Variants in PPTC7 observed in about 807,000 individuals in gnomAD.
PPTC7 encodes protein phosphatase PTC7 homolog.
A neutral mutation model predicts 30.8 loss-of-function variants in PPTC7; 6 were observed. That is an observed-to-expected ratio of 0.19 (90% CI 0.11 to 0.38). The LOEUF is 0.38. Ranked by LOEUF, PPTC7 falls within the 10% of genes least tolerant of loss-of-function variation. The pLI is 1.00. For missense variants in PPTC7, 218 were observed against 404.8 expected (o/e 0.54, Z 3.96); for synonymous variants, 163 against 168.1 (o/e 0.97, Z 0.23).
At chr12:110,574,778 T>C (rs772244074) in intron 1 of PPTC7, among the ~76,000 whole-genome samples, 20 of 151,702 alleles carry the variant, frequency 1.3e-4, no homozygotes, top group Non-Finnish European at 2.4e-4. Context: ...CCCTATCAGA[T>C]TATTATTATT....
chr12:110,540,250 C>T (rs1212602926), intron 3 of PPTC7, among the ~76,000 whole-genome samples: 1 of 151,528 alleles, frequency 6.6e-6, no homozygotes, highest in African/African-American at 2.4e-5. Flanking sequence ...AGATCTAACA[C>T]ACCTCTAAAA....
At chr12:110,541,138 T>C (rs1003738730) in intron 3 of PPTC7, among the ~76,000 whole-genome samples, 1 of 151,384 alleles carries the variant, frequency 6.6e-6, no homozygotes, top group Non-Finnish European at 1.5e-5. Context: ...TCCCAGCACT[T>C]TGGGAGGCCA....
chr12:110,578,853 G>C (rs556513644), intron 1 of PPTC7, among the ~76,000 whole-genome samples: 1 of 152,158 alleles, frequency 6.6e-6, no homozygotes, highest in Non-Finnish European at 1.5e-5. Context: ...GTCATTCAAA[G>C]TCATCACCTT....
chr12:110,538,020 A>G (rs2064231887), intron 5 of PPTC7, 124 bp downstream of exon 5: 7 of 991,916 alleles, frequency 7.1e-6, no homozygotes, highest in South Asian at 5.0e-5. Flanking sequence ...GCTGAAAGCC[A>G]CAAGTGCACA....
At chr12:110,580,242 C>G (rs752572509) in intron 1 of PPTC7, among the ~76,000 whole-genome samples, 16 of 152,174 alleles carry the variant, frequency 1.1e-4, no homozygotes, top group Non-Finnish European at 1.5e-4. Context: ...GATGTCAGGG[C>G]ATGAAATTAT....
intron 2 of PPTC7, among the ~76,000 whole-genome samples, chr12:110,549,169 C>T (rs1432523928): frequency 6.6e-6 from 1 of 152,176 alleles, no homozygotes. Context: ...TTAGGACCAA[C>T]CCCTCAGGTT....
intron 1 of PPTC7, among the ~76,000 whole-genome samples, chr12:110,576,836 T>G (rs1334036843): frequency 6.6e-6 from 1 of 152,156 alleles, no homozygotes; most frequent in African/African-American, 2.4e-5. Flanking sequence ...AAAGGATACA[T>G]GCTATGGAAT....
chr12:110,562,680 C>T (rs2064448232), intron 1 of PPTC7, among the ~76,000 whole-genome samples: 3 of 151,760 alleles, frequency 2.0e-5, no homozygotes, highest in Admixed American at 2.0e-4. Flanking sequence ...GTAATACCAC[C>T]TAGCTGGGTA....
At position 110,559,551 on chromosome 12, in the gene PPTC7, C is replaced by A. The variant is rs185553826; in HGVS notation, c.224-7583G>T. ...GACCAGCCTGTCCAACATGGTGAAA[C>A]CCCGTCTCTACTAAAAATACAAAAA... On this transcript the variant is annotated intron_variant, in intron 1 of 5. Coordinates refer to ENST00000354300, the MANE Select transcript of PPTC7 (RefSeq NM_139283.2). 2.4e-3 allele frequency among the ~76,000 whole-genome samples: 366 copies of A among 151,462 alleles called. 12 individuals are homozygous for A. The East Asian group carries it at 0.059, about 24-fold the overall frequency.
chr12:110,538,304 C>G, intron 4 of PPTC7, 31 bp from the exon 5 acceptor site: 1 of 1,603,592 alleles, frequency 6.2e-7, no homozygotes. Flanking sequence ...GTTATTTTAC[C>G]ATAATGCTCA....
intron 1 of PPTC7, among the ~76,000 whole-genome samples, chr12:110,574,118 A>G (rs1176256952): frequency 7.1e-6 from 1 of 141,466 alleles, no homozygotes; most frequent in Non-Finnish European, 1.5e-5. Flanking sequence ...AGCAACACAG[A>G]GAGACTCTGT....
At chr12:110,548,217 C>A (rs957675372) in intron 2 of PPTC7, among the ~76,000 whole-genome samples, 2 of 151,900 alleles carry the variant, frequency 1.3e-5, no homozygotes, top group Non-Finnish European at 2.9e-5. Context: ...ATTCTATGCA[C>A]ACATACACAC....
chr12:110,547,261 A>G (rs1157314096), intron 2 of PPTC7, among the ~76,000 whole-genome samples: 1 of 152,224 alleles, frequency 6.6e-6, no homozygotes, highest in Non-Finnish European at 1.5e-5. Flanking sequence ...AATACTCAGG[A>G]GTACAGGCTC....
At position 110,536,282 on chromosome 12, in the gene PPTC7, TA is replaced by T. The variant is rs1203477602; in HGVS notation, c.*754del. On this transcript the variant is annotated 3_prime_UTR_variant, in exon 6 of 6. Transcript: ENST00000354300. Reference sequence around the variant, plus strand: ...TATTATTTCCATAAAAAAATACTGGTAAAGTGTCTCCCCTACCCCTCCTGGA... The same window carrying T: ...TATTATTTCCATAAAAAAATACTGGTAAGTGTCTCCCCTACCCCTCCTGGA... The T allele has an allele frequency of 6.6e-6, 1 of 152,158 alleles. No individual in the cohort carries two copies. Among genetic ancestry groups the T allele is most frequent in the Non-Finnish European group, 1.5e-5 (1 of 68,020 alleles). The allele number at this position is 152,158 out of a possible 1,614,324, so 9.4% of individuals were successfully genotyped here.
At chr12:110,558,326 T>A (rs984015247) in intron 1 of PPTC7, among the ~76,000 whole-genome samples, 1 of 152,086 alleles carries the variant, frequency 6.6e-6, no homozygotes, top group African/African-American at 2.4e-5. Flanking sequence ...AATGATATAA[T>A]CTCTATGGAG....
intron 1 of PPTC7, among the ~76,000 whole-genome samples, chr12:110,581,993 T>C (rs1350205749): frequency 6.6e-6 from 1 of 152,224 alleles, no homozygotes; most frequent in Non-Finnish European, 1.5e-5. Context: ...AGTTTCTGAC[T>C]GCTTGTGAAC....
Position 110,583,311 on chromosome 12 carries a change from C to T in PPTC7, c.-280G>A, listed in dbSNP as rs936011868. 9.5e-5 allele frequency: 16 copies of T among 168,402 alleles called. No individual in the cohort carries two copies. Among genetic ancestry groups the T allele is most frequent in the African/African-American group, 3.1e-4 (13 of 41,782 alleles). 10.4% of individuals were successfully genotyped at this position (168,402 alleles called of 1,614,324 possible). A position where few individuals can be genotyped will look rare whatever the true frequency, so the allele number is the denominator to read the frequency against. On this transcript the variant is annotated 5_prime_UTR_variant, in exon 1 of 6. Transcript: ENST00000354300. ...GCCGCCGCCGCCGCCATCTTCCGCT[C>T]CACTAGCGTGTTCCGGGCGGTGCCG...
Position 110,575,836 on chromosome 12 carries a change from G to A in PPTC7, c.223+6973C>T, listed in dbSNP as rs138145995. ...TAAGCTAGAAAATCTCAAAAGATTTGTGAACAAAGGAAAAGTAGCTCTGAA... is the reference window on the plus strand; with the variant it reads ...TAAGCTAGAAAATCTCAAAAGATTTATGAACAAAGGAAAAGTAGCTCTGAA... On this transcript the variant is annotated intron_variant, in intron 1 of 5. Coordinates refer to ENST00000354300, the MANE Select transcript of PPTC7 (RefSeq NM_139283.2). 6.8e-3 allele frequency among the ~76,000 whole-genome samples: 1,042 copies of A among 152,218 alleles called. 1 individual carries two copies. Among genetic ancestry groups the A allele is most frequent in the Non-Finnish European group, 9.3e-3 (635 of 68,008 alleles).
intron 1 of PPTC7, among the ~76,000 whole-genome samples, chr12:110,562,112 T>C (rs545041441): frequency 6.6e-6 from 1 of 151,442 alleles, no homozygotes; most frequent in South Asian, 2.1e-4. Flanking sequence ...CAAGACACTG[T>C]CTCTATTTTA....
Sources: allele counts gnomAD v4.1 joint callset (sites outside exome capture counted in the v4.1 genomes callset), GRCh38; gene constraint gnomAD v4.1.1; transcripts MANE v1.5; gene names NCBI Gene and HGNC (gene_info 2026-07-23, HGNC 2026-07-21).